ACADSB: variants seen among roughly 807,000 people sequenced by gnomAD.
ACADSB encodes short/branched chain specific acyl-CoA dehydrogenase, mitochondrial.
A neutral mutation model predicts 54.1 loss-of-function variants in ACADSB; 40 were observed. The ratio of observed to expected loss-of-function variants is 0.74; its 90% confidence interval spans 0.57 to 0.96. The LOEUF is 0.96. ACADSB is among the 40% of genes least tolerant of loss of function. The pLI is 0.00. For synonymous variants in ACADSB, 182 were observed against 182.8 expected (o/e 1.00, Z 0.03); for missense variants, 530 against 510.4 (o/e 1.04, Z -0.37).
intron 1 of ACADSB, among the ~76,000 whole-genome samples, chr10:123,015,296 T>C (rs1935121218): frequency 3.9e-5 from 6 of 152,250 alleles, no homozygotes; most frequent in Admixed American, 3.9e-4. Context: ...TCAAAGAGTC[T>C]TTCTCCTTTC....
intron 1 of ACADSB, among the ~76,000 whole-genome samples, chr10:123,015,156 T>G (rs1850094225): frequency 6.6e-6 from 1 of 152,210 alleles, no homozygotes; most frequent in Non-Finnish European, 1.5e-5. Flanking sequence ...ACACAAGAAT[T>G]TATAATGTTT....
intron 1 of ACADSB, among the ~76,000 whole-genome samples, chr10:123,030,797 C>T (rs1850316956): frequency 6.6e-6 from 1 of 152,152 alleles, no homozygotes; most frequent in African/African-American, 2.4e-5. Flanking sequence ...TTTACCAGAA[C>T]ATTCCACAGT....
At chr10:123,009,598 C>G (rs529083146) in intron 1 of ACADSB, among the ~76,000 whole-genome samples, 2 of 152,210 alleles carry the variant, frequency 1.3e-5, no homozygotes, top group African/African-American at 2.4e-5. Context: ...TCGGGCTTCC[C>G]GGCCAGGGAC....
At chr10:123,032,721 C>T (rs550498024) in intron 1 of ACADSB, among the ~76,000 whole-genome samples, 8 of 151,924 alleles carry the variant, frequency 5.3e-5, no homozygotes, top group African/African-American at 1.7e-4. Flanking sequence ...TCCCGAGTAG[C>T]TGGGATTACA....
At chr10:123,020,990 A>G (rs1426370762) in intron 1 of ACADSB, among the ~76,000 whole-genome samples, 2 of 152,200 alleles carry the variant, frequency 1.3e-5, no homozygotes, top group Non-Finnish European at 2.9e-5. Flanking sequence ...GTGACAGAGC[A>G]AAACTCCGTC....
chr10:123,013,691 G>A (rs146051183), intron 1 of ACADSB, among the ~76,000 whole-genome samples: 2,074 of 152,318 alleles, frequency 0.014, 56 homozygotes, highest in African/African-American at 0.047. Flanking sequence ...CGAGCGCGGC[G>A]CCGGTGGGCC....
chr10:123,043,867 T>C (rs986623612), intron 6 of ACADSB, among the ~76,000 whole-genome samples: 16 of 152,332 alleles, frequency 1.1e-4, no homozygotes, highest in Non-Finnish European at 2.1e-4. Context: ...AATTCTTTAT[T>C]TTTTTAAAGT....
chr10:123,024,129 G>A (rs1399435834), intron 1 of ACADSB, among the ~76,000 whole-genome samples: 2 of 152,224 alleles, frequency 1.3e-5, no homozygotes, highest in African/African-American at 2.4e-5. Flanking sequence ...ATAAGGCCAC[G>A]CTTTCCCATG....
intron 6 of ACADSB, among the ~76,000 whole-genome samples, chr10:123,043,682 T>C (rs1850508977): frequency 6.6e-6 from 1 of 152,156 alleles, no homozygotes; most frequent in Non-Finnish European, 1.5e-5. Context: ...GATCTTTTTT[T>C]TGCATGGCTG....
At chr10:123,015,410 C>G (rs1850098286) in intron 1 of ACADSB, among the ~76,000 whole-genome samples, 1 of 152,052 alleles carries the variant, frequency 6.6e-6, no homozygotes, top group African/African-American at 2.4e-5. Flanking sequence ...ATTATCTTGA[C>G]TCATTCTCTG....
intron 1 of ACADSB, among the ~76,000 whole-genome samples, chr10:123,018,176 G>A (rs1285002128): frequency 6.6e-6 from 1 of 152,096 alleles, no homozygotes; most frequent in African/African-American, 2.4e-5. Context: ...GTTTACACAT[G>A]ATTAAAAAAT....
In ACADSB at chr10:123,044,594, C is replaced by T. The variant is rs555170712; in HGVS notation, c.900+109C>T. On this transcript the variant is annotated intron_variant, in intron 7 of 10. Transcript: ENST00000358776. ...GAAGCTTATGGACACAAGATGGCAC[C>T]GTTCCCTTACATGAGGGATAGAATG... 49 of 846,498 alleles carry T rather than the reference C, an allele frequency of 5.8e-5. 1 individual carries two copies. The Middle Eastern group carries it at 1.1e-3, about 19-fold the overall frequency. 52.4% of individuals were successfully genotyped at this position (846,498 alleles called of 1,614,324 possible).
At chr10:123,009,652 C>T (rs1849982305) in intron 1 of ACADSB, among the ~76,000 whole-genome samples, 1 of 152,204 alleles carries the variant, frequency 6.6e-6, no homozygotes, top group African/African-American at 2.4e-5. Flanking sequence ...GCCTGGGTAT[C>T]TTCCGTGGAT....
chr10:123,025,893 T>C (rs552086063), intron 1 of ACADSB, among the ~76,000 whole-genome samples: 42 of 152,192 alleles, frequency 2.8e-4, no homozygotes, highest in Middle Eastern at 6.8e-3. Flanking sequence ...AAACCCTGTC[T>C]CTACTAAAAA....
At position 123,057,223 on chromosome 10, in the gene ACADSB, G is replaced by T. The variant is rs1252314491; in HGVS notation, c.*3458G>T. ...TCTTGTTCAAATTACCAGCATCAGA[G>T]AGCTTCCCATTTGCATCTAGACCTT... On this transcript the variant is annotated 3_prime_UTR_variant, in exon 11 of 11. Coordinates refer to ENST00000358776, the MANE Select transcript of ACADSB (RefSeq NM_001609.4). 6.6e-6 allele frequency: 1 copy of T among 152,212 alleles called. No homozygotes were observed. Among genetic ancestry groups the T allele is most frequent in the Non-Finnish European group, 1.5e-5 (1 of 68,044 alleles). The allele number at this position is 152,212 out of a possible 1,614,324, so 9.4% of individuals were successfully genotyped here.
chr10:123,022,862 A>G (rs967689766), intron 1 of ACADSB, among the ~76,000 whole-genome samples: 3 of 152,212 alleles, frequency 2.0e-5, no homozygotes. Flanking sequence ...AATGAGTCAG[A>G]TAGTAAATGA....
At chr10:123,013,522 G>A (rs1042356089) in intron 1 of ACADSB, among the ~76,000 whole-genome samples, 4 of 152,256 alleles carry the variant, frequency 2.6e-5, no homozygotes, top group African/African-American at 4.8e-5. Flanking sequence ...GCCCTTGGGC[G>A]GTTGATGGGA....
In ACADSB at chr10:123,053,795, G is replaced by A. The variant is rs141805585; in HGVS notation, c.*30G>A. ...TATAGGAGTGGGACCCCTCCCTGGTGTCACTGCTGTAAAATTTTAAACGGT... is the reference window on the plus strand; with the variant it reads ...TATAGGAGTGGGACCCCTCCCTGGTATCACTGCTGTAAAATTTTAAACGGT... On this transcript the variant is annotated 3_prime_UTR_variant, in exon 11 of 11. Transcript: ENST00000358776. 7,945 of 1,585,092 alleles carry A rather than the reference G, an allele frequency of 5.0e-3. 25 individuals are homozygous for A. The highest frequency in any genetic ancestry group is 0.01 in the Middle Eastern group (63 of 6,024).
chr10:123,045,877 G>T (rs978665934), intron 7 of ACADSB, among the ~76,000 whole-genome samples: 1 of 152,144 alleles, frequency 6.6e-6, no homozygotes, highest in South Asian at 2.1e-4. Flanking sequence ...TTAAGATCAG[G>T]TAGTTACTAT....
Sources: gnomAD v4.1 joint callset for allele counts (sites outside exome capture counted in the v4.1 genomes callset) on GRCh38, gnomAD v4.1.1 for gene constraint, MANE v1.5 for transcripts, NCBI Gene and HGNC (gene_info 2026-07-23, HGNC 2026-07-21) for gene names.